The following DLG2 variants were observed in gnomAD, a reference collection of about 807,000 sequenced individuals.
DLG2 encodes the protein disks large homolog 2.
Under a neutral mutation model 132.5 loss-of-function variants are expected in DLG2, and 45 were observed. That is an observed-to-expected ratio of 0.34 (90% CI 0.27 to 0.44). The LOEUF (loss-of-function observed/expected upper bound fraction) is 0.44. Ranked by LOEUF, DLG2 falls within the 20% of genes least tolerant of loss-of-function variation. DLG2 has a pLI of 1.00. For missense variants in DLG2, 1,045 were observed against 1,196.9 expected (o/e 0.87, Z 1.87); for synonymous variants, 424 against 419.6 (o/e 1.01, Z -0.13).
At position 85,583,766 on chromosome 11, in the gene DLG2, G is replaced by T. The variant is rs140584026; in HGVS notation, c.40+14891C>A. ...CTTCCACTGCTCTTTCTTTTGGTTGGTCCTTTTAGTCAATACCCAATACCA... is the reference window on the plus strand; with the variant it reads ...CTTCCACTGCTCTTTCTTTTGGTTGTTCCTTTTAGTCAATACCCAATACCA... On this transcript the variant is annotated intron_variant, in intron 3 of 27. Transcript: ENST00000376104. Among the ~76,000 whole-genome samples the T allele has an allele frequency of 7.6e-3, 1,151 of 152,210 alleles. 11 individuals carry two copies. Among genetic ancestry groups the T allele is most frequent in the Admixed American group, 0.012 (176 of 15,280 alleles).
At chr11:85,114,591 C>G (rs755811040) in intron 5 of DLG2, among the ~76,000 whole-genome samples, 3 of 151,926 alleles carry the variant, frequency 2.0e-5, no homozygotes, top group Non-Finnish European at 4.4e-5. Flanking sequence ...GGGTCTTAGT[C>G]TTTTAAAAAC....
In DLG2 at chr11:83,480,390, C is replaced by A. The variant is rs552807665; in HGVS notation, c.2293+3739G>T. ...AACTTACGGTAGCTACTTTCGCTAT[C>A]GCTGGCATTAGAAGAAACATGTTCT... On this transcript the variant is annotated intron_variant, in intron 22 of 27. Coordinates refer to ENST00000376104, the MANE Select transcript of DLG2 (RefSeq NM_001142699.3). 6 of 1,535,414 alleles carry A rather than the reference C, an allele frequency of 3.9e-6. No individual in the cohort carries two copies. The South Asian group carries it at 7.1e-5, about 18-fold the overall frequency.
At chr11:83,889,851 A>G (rs916433144) in intron 15 of DLG2, among the ~76,000 whole-genome samples, 3 of 151,638 alleles carry the variant, frequency 2.0e-5, no homozygotes, top group Admixed American at 6.6e-5. Flanking sequence ...TCAGTAAACT[A>G]TCGCAAGAAC....
At chr11:84,875,929 G>C (rs908205420) in intron 6 of DLG2, among the ~76,000 whole-genome samples, 6 of 152,032 alleles carry the variant, frequency 3.9e-5, no homozygotes, top group Non-Finnish European at 8.8e-5. Flanking sequence ...GTAGAGACGG[G>C]GTTTCACCAT....
At chr11:83,646,087 A>G (rs1790449942) in intron 18 of DLG2, among the ~76,000 whole-genome samples, 1 of 152,148 alleles carries the variant, frequency 6.6e-6, no homozygotes, top group South Asian at 2.1e-4. Context: ...AAACTAACAG[A>G]TACACAAGAG....
intron 3 of DLG2, among the ~76,000 whole-genome samples, chr11:85,352,516 C>A (rs1404969448): frequency 1.3e-5 from 2 of 152,134 alleles, no homozygotes; most frequent in East Asian, 3.8e-4. Flanking sequence ...GATTTTAGAT[C>A]TTTCCTGCTT....
chr11:85,402,896 A>C (rs1387748462), intron 3 of DLG2, among the ~76,000 whole-genome samples: 1 of 152,150 alleles, frequency 6.6e-6, no homozygotes, highest in Non-Finnish European at 1.5e-5. Flanking sequence ...TGTTGTTGGG[A>C]CTGTAAATTA....
At chr11:85,021,602 C>T (rs1231938069) in intron 6 of DLG2, 3 of 1,420,958 alleles carry the variant, frequency 2.1e-6, no homozygotes, top group Non-Finnish European at 3.0e-6. Flanking sequence ...CCAGTGAACA[C>T]ACGGGAGTTC....
At chr11:84,103,544 T>C (rs138584655) in intron 9 of DLG2, among the ~76,000 whole-genome samples, 141 of 152,264 alleles carry the variant, frequency 9.3e-4, no homozygotes, top group Non-Finnish European at 1.3e-3. Flanking sequence ...GCTGTGTCCT[T>C]GCAGTTGGGA....
At chr11:84,878,667 C>A (rs924558555) in intron 6 of DLG2, among the ~76,000 whole-genome samples, 1 of 151,966 alleles carries the variant, frequency 6.6e-6, no homozygotes, top group Non-Finnish European at 1.5e-5. Context: ...AACAAAGCTG[C>A]ACGTTCTGCA....
At chr11:85,064,623 T>A (rs1385158733) in intron 6 of DLG2, among the ~76,000 whole-genome samples, 1 of 151,782 alleles carries the variant, frequency 6.6e-6, no homozygotes, top group Non-Finnish European at 1.5e-5. Flanking sequence ...TAGTTTTATC[T>A]CAACTTGGCT....
chr11:84,498,285 A>G (rs114955271), intron 7 of DLG2, among the ~76,000 whole-genome samples: 2,438 of 152,266 alleles, frequency 0.016, 57 homozygotes, highest in African/African-American at 0.055. Context: ...TGAGATGCAA[A>G]GACACTATGT....
At chr11:83,772,570 CAG>C (rs952053950) in intron 18 of DLG2, among the ~76,000 whole-genome samples, 42 of 145,632 alleles carry the variant, frequency 2.9e-4, no homozygotes, top group African/African-American at 8.4e-4. Flanking sequence ...AAGAAAGAAA[CAG>C]AGAAAGAAAG....
At chr11:85,210,901 G>C (rs886307174) in intron 4 of DLG2, among the ~76,000 whole-genome samples, 6 of 151,828 alleles carry the variant, frequency 4.0e-5, no homozygotes, top group Admixed American at 6.6e-5. Flanking sequence ...TAGCCTGAAG[G>C]CTCTCCTGTC....
intron 16 of DLG2, among the ~76,000 whole-genome samples, chr11:83,870,275 A>G (rs944218365): frequency 3.9e-5 from 6 of 152,124 alleles, no homozygotes; most frequent in African/African-American, 1.2e-4. Context: ...GCACTGTCCA[A>G]CCTCCTCGAA....
chr11:85,445,083 T>C (rs1260008652), intron 3 of DLG2, among the ~76,000 whole-genome samples: 1 of 152,142 alleles, frequency 6.6e-6, no homozygotes, highest in African/African-American at 2.4e-5. Flanking sequence ...AAAACAATGA[T>C]AGACCAACAT....
intron 7 of DLG2, among the ~76,000 whole-genome samples, chr11:84,260,895 T>G (rs771973465): frequency 3.3e-5 from 5 of 152,140 alleles, no homozygotes; most frequent in Non-Finnish European, 7.4e-5. Flanking sequence ...TTTCTGAAGA[T>G]CCCACAAAAA....
intron 7 of DLG2, among the ~76,000 whole-genome samples, chr11:84,412,897 A>G (rs1391340977): frequency 1.3e-5 from 2 of 152,208 alleles, no homozygotes; most frequent in Admixed American, 6.5e-5. Context: ...TACTTCTCTA[A>G]GATTCCTCCA....
At chr11:83,694,845 C>T (rs998411832) in intron 18 of DLG2, among the ~76,000 whole-genome samples, 3 of 152,210 alleles carry the variant, frequency 2.0e-5, no homozygotes, top group African/African-American at 7.2e-5. Flanking sequence ...CGGAATGTGG[C>T]ACAAGTTCTT....
Sources: allele counts gnomAD v4.1 joint callset (sites outside exome capture counted in the v4.1 genomes callset), GRCh38; gene constraint gnomAD v4.1.1; transcripts MANE v1.5; gene names NCBI Gene and HGNC (gene_info 2026-07-23, HGNC 2026-07-21).